CCDC91: variants seen among roughly 807,000 people sequenced by gnomAD.
CCDC91 encodes coiled-coil domain containing 91, also known as coiled-coil domain-containing protein 91.
A neutral mutation model predicts 63.2 loss-of-function variants in CCDC91; 48 were observed. The ratio of observed to expected loss-of-function variants is 0.76; its 90% CI spans 0.60 to 0.97. CCDC91 has a LOEUF of 0.97. Among genes scored for constraint, CCDC91 ranks in the 50% least tolerant of loss-of-function variants. The pLI is 0.00. For synonymous variants in CCDC91, 167 were observed against 165.8 expected, an observed-to-expected ratio of 1.01 and a Z score of -0.06; for missense variants, 500 against 494.6, an observed-to-expected ratio of 1.01 and a Z score of -0.10.
At chr12:28,292,310 A>G (rs1008348328) in intron 3 of CCDC91, among the ~76,000 whole-genome samples, 4 of 152,210 alleles carry the variant, frequency 2.6e-5, no homozygotes, top group African/African-American at 9.6e-5. Flanking sequence ...ATGAAAGTCT[A>G]CCGTTTTCAA....
At chr12:28,376,463 C>T (rs149564752) in intron 7 of CCDC91, among the ~76,000 whole-genome samples, 21 of 151,536 alleles carry the variant, frequency 1.4e-4, no homozygotes, top group African/African-American at 3.9e-4. Flanking sequence ...ACTTGTCCTA[C>T]GTCAAGATTA....
intron 6 of CCDC91, among the ~76,000 whole-genome samples, chr12:28,354,473 G>A (rs892046112): frequency 6.6e-6 from 1 of 151,936 alleles, no homozygotes; most frequent in Non-Finnish European, 1.5e-5. Context: ...TTACATGCGC[G>A]GCTACCAGGT....
chr12:28,317,248 T>A (rs1165623964), intron 6 of CCDC91, among the ~76,000 whole-genome samples: 1 of 151,986 alleles, frequency 6.6e-6, no homozygotes. Context: ...TTTTAAAAAA[T>A]TTGTTCTGTA....
At chr12:28,418,558 T>C (rs570496016) in intron 8 of CCDC91, among the ~76,000 whole-genome samples, 15 of 152,226 alleles carry the variant, frequency 9.9e-5, no homozygotes, top group African/African-American at 3.6e-4. Flanking sequence ...AATTGGGATA[T>C]AATCTCAAAG....
intron 12 of CCDC91, among the ~76,000 whole-genome samples, chr12:28,520,278 T>C (rs575210618): frequency 1.3e-5 from 2 of 152,202 alleles, no homozygotes; most frequent in South Asian, 2.1e-4. Context: ...TGGTGTGAGA[T>C]GGTGTCTCAT....
intron 3 of CCDC91, among the ~76,000 whole-genome samples, chr12:28,266,615 A>G (rs796175324): frequency 1.4e-4 from 22 of 152,070 alleles, no homozygotes; most frequent in African/African-American, 5.1e-4. Flanking sequence ...TTAACAATCA[A>G]TTACTGTTCA....
At chr12:28,278,655 T>C (rs1427024246) in intron 3 of CCDC91, among the ~76,000 whole-genome samples, 2 of 152,108 alleles carry the variant, frequency 1.3e-5, no homozygotes, top group African/African-American at 4.8e-5. Context: ...TTTTGAACTC[T>C]TTACTTTTCA....
At position 28,463,187 on chromosome 12, in the gene CCDC91, A is replaced by T. The variant is rs1950391796; in HGVS notation, c.1101+10533A>T. ...CCAATTTGAGATCGAGTGAAATATT[A>T]CAAAGTACAATATGTTGAGGCAGTT... On this transcript the variant is annotated intron_variant, in intron 11 of 12. Transcript: ENST00000536442. Among the ~76,000 whole-genome samples the T allele has an allele frequency of 2.6e-5, 4 of 152,204 alleles. No homozygotes were observed. In the South Asian group the frequency reaches 8.3e-4, roughly 32 times the overall value.
intron 1 of CCDC91, among the ~76,000 whole-genome samples, chr12:28,227,433 C>T (rs1373167584): frequency 6.6e-6 from 1 of 152,060 alleles, no homozygotes; most frequent in African/African-American, 2.4e-5. Context: ...GCGATTCTTT[C>T]TACCTCTTTT....
At chr12:28,284,775 G>A (rs1481963105) in intron 3 of CCDC91, among the ~76,000 whole-genome samples, 1 of 152,200 alleles carries the variant, frequency 6.6e-6, no homozygotes, top group Admixed American at 6.5e-5. Flanking sequence ...TAGCATGACT[G>A]TATTCGTGGT....
chr12:28,436,180 A>G (rs1948895600), intron 8 of CCDC91, among the ~76,000 whole-genome samples: 1 of 150,548 alleles, frequency 6.6e-6, no homozygotes, highest in African/African-American at 2.4e-5. Flanking sequence ...GTCTTCCACA[A>G]TTTTCTGCCT....
intron 12 of CCDC91, among the ~76,000 whole-genome samples, chr12:28,496,447 G>A (rs1216324460): frequency 6.6e-6 from 1 of 151,558 alleles, no homozygotes; most frequent in African/African-American, 2.4e-5. Context: ...GTTTTCTTGG[G>A]TTTTATGCAG....
At chr12:28,428,349 C>T (rs1592645853) in intron 8 of CCDC91, among the ~76,000 whole-genome samples, 1 of 151,850 alleles carries the variant, frequency 6.6e-6, no homozygotes, top group South Asian at 2.1e-4. Context: ...GGCGGGCAGA[C>T]CACCTGAGGT....
rs570784860 is a variant in CCDC91, at chr12:28,383,069, A to AT, written c.655-8231dup. Among the ~76,000 whole-genome samples, 21 of 152,186 alleles carry AT rather than the reference A, an allele frequency of 1.4e-4. No homozygotes were observed. The East Asian group carries it at 2.9e-3, about 21-fold the overall frequency. On this transcript the variant is annotated intron_variant, in intron 7 of 12. Coordinates refer to ENST00000536442, the MANE Select transcript of CCDC91 (RefSeq NM_018318.5). ...ATGTGTTGTCCATGGCACAAAAGAAATTTTCACTGGGAGACTTTTGTGGTG... is the reference window on the plus strand; with the variant it reads ...ATGTGTTGTCCATGGCACAAAAGAAATTTTTCACTGGGAGACTTTTGTGGTG...
At chr12:28,301,695 C>G (rs901990629) in intron 3 of CCDC91, among the ~76,000 whole-genome samples, 2 of 151,210 alleles carry the variant, frequency 1.3e-5, no homozygotes, top group African/African-American at 4.8e-5. Context: ...GAGCCTGATG[C>G]TTTCTTTGTT....
chr12:28,401,269 C>A (rs1453912069), intron 8 of CCDC91, among the ~76,000 whole-genome samples: 1 of 152,064 alleles, frequency 6.6e-6, no homozygotes, highest in Non-Finnish European at 1.5e-5. Context: ...GAAGGGGAAA[C>A]AAACATGTCC....
At chr12:28,425,105 A>G (rs1202590794) in intron 8 of CCDC91, among the ~76,000 whole-genome samples, 1 of 152,134 alleles carries the variant, frequency 6.6e-6, no homozygotes, top group African/African-American at 2.4e-5. Flanking sequence ...CAAGCTTCAC[A>G]GGGAAAAACT....
At chr12:28,420,424 G>A (rs1947932532) in intron 8 of CCDC91, among the ~76,000 whole-genome samples, 2 of 152,000 alleles carry the variant, frequency 1.3e-5, no homozygotes, top group South Asian at 4.2e-4. Context: ...AAATATTTTT[G>A]TGTTATTTTT....
At chr12:28,547,030 A>T (rs1376164104) in intron 12 of CCDC91, among the ~76,000 whole-genome samples, 1 of 152,124 alleles carries the variant, frequency 6.6e-6, no homozygotes, top group African/African-American at 2.4e-5. Flanking sequence ...TGAGATAGGG[A>T]AAACTTCCAG....
Sources: allele counts gnomAD v4.1 joint callset (sites outside exome capture counted in the v4.1 genomes callset), GRCh38; gene constraint gnomAD v4.1.1; transcripts MANE v1.5; gene names NCBI Gene and HGNC (gene_info 2026-07-23, HGNC 2026-07-21).